The following SIPA1L1 variants were observed in gnomAD, a reference collection of about 807,000 sequenced individuals.
The protein encoded by SIPA1L1 is signal-induced proliferation-associated 1-like protein 1.
SIPA1L1 carries 26 observed loss-of-function variants against 162.7 expected under a neutral mutation model. That is an observed-to-expected ratio of 0.16 (90% confidence interval 0.12 to 0.22). The LOEUF (loss-of-function observed/expected upper bound fraction) is 0.22. Ranked by LOEUF, SIPA1L1 falls within the 10% of genes least tolerant of loss-of-function variation. SIPA1L1 has a pLI of 1.00. For synonymous variants in SIPA1L1, 829 were observed against 837.4 expected (o/e 0.99, Z 0.17); for missense variants, 1,874 against 2,241.0 (o/e 0.84, Z 3.31).
intron 4 of SIPA1L1, among the ~76,000 whole-genome samples, chr14:71,551,953 A>G (rs1181788183): frequency 6.6e-6 from 1 of 152,216 alleles, no homozygotes; most frequent in Non-Finnish European, 1.5e-5. Flanking sequence ...GTAGCCAGCC[A>G]GCCAGCCACT....
chr14:71,500,312 T>C (rs2143496580), intron 2 of SIPA1L1, among the ~76,000 whole-genome samples: 1 of 151,972 alleles, frequency 6.6e-6, no homozygotes, highest in East Asian at 1.9e-4. Flanking sequence ...CCTCTTGCCT[T>C]CCCCCAGCCA....
chr14:71,361,499 G>C (rs1280580095), intron 2 of SIPA1L1, among the ~76,000 whole-genome samples: 2 of 152,144 alleles, frequency 1.3e-5, no homozygotes, highest in African/African-American at 4.8e-5. Flanking sequence ...ATGGCTATCT[G>C]AGAACCTGGG....
chr14:71,725,983 A>G (rs1421152111), intron 19 of SIPA1L1, among the ~76,000 whole-genome samples: 1 of 152,166 alleles, frequency 6.6e-6, no homozygotes, highest in Non-Finnish European at 1.5e-5. Flanking sequence ...CGGGTGGAGC[A>G]GCTGTGTGGG....
intron 2 of SIPA1L1, among the ~76,000 whole-genome samples, chr14:71,472,726 T>C (rs1207113923): frequency 2.0e-5 from 3 of 150,550 alleles, no homozygotes; most frequent in Non-Finnish European, 4.4e-5. Flanking sequence ...TTTCCTATTA[T>C]CTTGGTTAAG....
intron 2 of SIPA1L1, among the ~76,000 whole-genome samples, chr14:71,324,195 T>TA (rs1057078712): frequency 1.3e-5 from 2 of 152,242 alleles, no homozygotes; most frequent in Non-Finnish European, 2.9e-5. Context: ...AGGGTTTTCT[T>TA]ACTTTTTGTT....
At chr14:71,673,733 T>G (rs117755068) in intron 12 of SIPA1L1, among the ~76,000 whole-genome samples, 210 of 152,312 alleles carry the variant, frequency 1.4e-3, no homozygotes, top group Non-Finnish European at 2.5e-3. Context: ...TTGAAGAACT[T>G]CCTTTTGGAT....
At chr14:71,392,439 C>T (rs1348881442) in intron 2 of SIPA1L1, among the ~76,000 whole-genome samples, 1 of 152,202 alleles carries the variant, frequency 6.6e-6, no homozygotes, top group Non-Finnish European at 1.5e-5. Flanking sequence ...TCTTATTTTC[C>T]TCTCAGGACC....
At chr14:71,406,362 G>C (rs56067417) in intron 2 of SIPA1L1, among the ~76,000 whole-genome samples, 5,129 of 152,022 alleles carry the variant, frequency 0.034, 136 homozygotes, top group Non-Finnish European at 0.052. Flanking sequence ...CATTTCATTT[G>C]CTTGTCTCTG....
intron 4 of SIPA1L1, among the ~76,000 whole-genome samples, chr14:71,552,105 C>T (rs1023368685): frequency 2.0e-5 from 3 of 152,120 alleles, no homozygotes; most frequent in Non-Finnish European, 4.4e-5. Context: ...TTGCTGTACC[C>T]GCCATCCTTT....
At chr14:71,622,734 T>C (rs544897048) in intron 6 of SIPA1L1, among the ~76,000 whole-genome samples, 61 of 152,336 alleles carry the variant, frequency 4.0e-4, no homozygotes, top group Non-Finnish European at 7.8e-4. Flanking sequence ...CTGCCTCCAG[T>C]TGCTTCCTCT....
At chr14:71,601,041 C>T (rs770018736) in intron 5 of SIPA1L1, among the ~76,000 whole-genome samples, 6 of 152,132 alleles carry the variant, frequency 3.9e-5, no homozygotes, top group Non-Finnish European at 8.8e-5. Flanking sequence ...ATATCATCAG[C>T]ATAGAGGGAC....
chr14:71,685,747 C>T (rs2149571743), intron 13 of SIPA1L1, 116 bp downstream of exon 13: 2 of 1,290,456 alleles, frequency 1.5e-6, no homozygotes, highest in South Asian at 2.9e-5. Flanking sequence ...AAGAATTAAA[C>T]TGAGGTGCAT....
At chr14:71,713,708 C>T (rs1022062763) in intron 17 of SIPA1L1, among the ~76,000 whole-genome samples, 6 of 152,184 alleles carry the variant, frequency 3.9e-5, no homozygotes, top group Non-Finnish European at 5.9e-5. Context: ...AGGACTGCCT[C>T]AGGCTACTCT....
chr14:71,564,244 T>C (rs1015214419), intron 4 of SIPA1L1, among the ~76,000 whole-genome samples: 1 of 152,188 alleles, frequency 6.6e-6, no homozygotes, highest in Non-Finnish European at 1.5e-5. Flanking sequence ...CTGCAATATC[T>C]GGCCTCATTT....
chr14:71,443,919 G>A (rs1414739666), intron 2 of SIPA1L1, among the ~76,000 whole-genome samples: 1 of 152,202 alleles, frequency 6.6e-6, no homozygotes, highest in Non-Finnish European at 1.5e-5. Flanking sequence ...GGTCTGTGGA[G>A]TACATTCCTT....
intron 5 of SIPA1L1, among the ~76,000 whole-genome samples, chr14:71,590,036 AAAAAAAAAAT>A (rs1487381623): frequency 0.023 from 1,728 of 73,856 alleles, 11 homozygotes; most frequent in African/African-American, 0.075. Flanking sequence ...AAAAAAAAAA[AAAAAAAAAAT>A]ATATATATAT....
intron 2 of SIPA1L1, among the ~76,000 whole-genome samples, chr14:71,465,782 A>G (rs1269018194): frequency 6.6e-6 from 1 of 152,322 alleles, no homozygotes; most frequent in African/African-American, 2.4e-5. Context: ...ACAAGTTTCC[A>G]CAATAGGCTG....
intron 2 of SIPA1L1, among the ~76,000 whole-genome samples, chr14:71,421,335 G>C (rs1254977825): frequency 6.6e-6 from 1 of 152,138 alleles, no homozygotes; most frequent in Non-Finnish European, 1.5e-5. Flanking sequence ...GCTCACGCCT[G>C]TAACCCCAGT....
At chr14:71,509,722 C>T (rs1300218786) in intron 2 of SIPA1L1, among the ~76,000 whole-genome samples, 1 of 128,036 alleles carries the variant, frequency 7.8e-6, no homozygotes, top group Non-Finnish European at 1.6e-5. Context: ...CCAGCCTGGG[C>T]AACAAGAGTG....
Sources: gnomAD v4.1 joint callset for allele counts (sites outside exome capture counted in the v4.1 genomes callset) on GRCh38, gnomAD v4.1.1 for gene constraint, MANE v1.5 for transcripts, NCBI Gene and HGNC (gene_info 2026-07-23, HGNC 2026-07-21) for gene names.